Variants in LRCH1 observed in about 807,000 individuals in gnomAD.
LRCH1 encodes leucine rich repeats and calponin homology domain containing 1, also known as leucine-rich repeat and calponin homology domain-containing protein 1.
A neutral mutation model predicts 94.9 loss-of-function variants in LRCH1; 23 were observed. The ratio of observed to expected loss-of-function variants is 0.24; its 90% CI spans 0.17 to 0.34. The LOEUF is 0.34. Ranked by LOEUF, LRCH1 falls within the 10% of genes least tolerant of loss-of-function variation. The probability of loss-of-function intolerance (pLI) is 1.00; values close to 1 mark genes in which losing one functional copy is unlikely to be tolerated. For missense variants in LRCH1, 790 were observed against 945.9 expected, an observed-to-expected ratio of 0.84 and a Z score of 2.16; for synonymous variants, 364 against 354.9, an observed-to-expected ratio of 1.03 and a Z score of -0.29.
intron 2 of LRCH1, among the ~76,000 whole-genome samples, chr13:46,655,487 A>G (rs1165149720): frequency 2.0e-5 from 3 of 152,236 alleles, no homozygotes; most frequent in Admixed American, 6.5e-5. Flanking sequence ...AGTTTAGTAT[A>G]TGTGCCACTG....
intron 2 of LRCH1, among the ~76,000 whole-genome samples, chr13:46,652,423 A>G (rs544663440): frequency 2.5e-4 from 38 of 151,838 alleles, no homozygotes; most frequent in Non-Finnish European, 4.9e-4. Flanking sequence ...GTTGAAAAAA[A>G]TCCTAGCAGG....
intron 2 of LRCH1, among the ~76,000 whole-genome samples, chr13:46,650,810 C>T (rs924614729): frequency 6.6e-6 from 1 of 151,674 alleles, no homozygotes; most frequent in Admixed American, 6.6e-5. Context: ...ACTAATTGAG[C>T]CCATTCACTT....
chr13:46,561,801 CCA>C (rs938588801), intron 1 of LRCH1, among the ~76,000 whole-genome samples: 8 of 152,018 alleles, frequency 5.3e-5, no homozygotes, highest in African/African-American at 1.2e-4. Flanking sequence ...TCTACTGACC[CCA>C]CTCTCATTTC....
At position 46,553,264 on chromosome 13, in the gene LRCH1, C is replaced by T; in HGVS notation, c.-133C>T. ...CCCCATTCTACGCGCCTGCCCACAC[C>T]CTCCTCCCCTCCTTCCAGCGCCTTT... On this transcript the variant is annotated 5_prime_UTR_variant, in exon 1 of 20. Transcript: ENST00000389797. 1 of 672,400 alleles carries T rather than the reference C, an allele frequency of 1.5e-6. No individual in the cohort carries two copies. Among genetic ancestry groups the T allele is most frequent in the Non-Finnish European group, 2.5e-6 (1 of 405,368 alleles). 41.7% of individuals were successfully genotyped at this position (672,400 alleles called of 1,614,324 possible). A position where few individuals can be genotyped will look rare whatever the true frequency, so the allele number is the denominator to read the frequency against.
chr13:46,667,305 C>G (rs1265949287), intron 2 of LRCH1, among the ~76,000 whole-genome samples: 2 of 152,126 alleles, frequency 1.3e-5, no homozygotes, highest in Non-Finnish European at 2.9e-5. Flanking sequence ...CCTGCTTTTT[C>G]TGAGCTCATC....
At chr13:46,573,787 A>G (rs1162527951) in intron 1 of LRCH1, among the ~76,000 whole-genome samples, 1 of 147,888 alleles carries the variant, frequency 6.8e-6, no homozygotes, top group East Asian at 2.0e-4. Flanking sequence ...TATGAAAAAT[A>G]GAATGAATGA....
rs754502546 is a variant in LRCH1 at position 46,699,316 on chromosome 13, C to T, written c.1246-20C>T. 4.7e-5 allele frequency: 75 copies of T among 1,606,898 alleles called. No individual in the cohort carries two copies. The highest frequency in any genetic ancestry group is 5.9e-5 in the Non-Finnish European group (69 of 1,173,662). On this transcript the variant is annotated intron_variant, in intron 9 of 19. Coordinates refer to ENST00000389797, the MANE Select transcript of LRCH1 (RefSeq NM_001164211.2). ...TGAGTAGCCAATGGTTTTCAGGAAC[C>T]CTGTGTGTTTTGTCCACAGGCAAGG...
chr13:46,642,060 A>AC (rs1156557253), intron 1 of LRCH1, among the ~76,000 whole-genome samples: 3 of 152,246 alleles, frequency 2.0e-5, no homozygotes, highest in Non-Finnish European at 4.4e-5. Context: ...AGCCAGACCT[A>AC]GGCTGGGATT....
intron 1 of LRCH1, among the ~76,000 whole-genome samples, chr13:46,563,889 AC>A (rs748608273): frequency 1.4e-4 from 21 of 152,302 alleles, no homozygotes; most frequent in Non-Finnish European, 2.8e-4. Context: ...TCCCAGGCTC[AC>A]ATCAAAGGGT....
At chr13:46,553,785 G>A in intron 1 of LRCH1, 82 bp downstream of exon 1, 8 of 1,561,164 alleles carry the variant, frequency 5.1e-6, no homozygotes, top group Non-Finnish European at 6.9e-6. Flanking sequence ...GTGGACAGTC[G>A]GAGATCTTGT....
chr13:46,599,853 G>A (rs1470912282), intron 1 of LRCH1, among the ~76,000 whole-genome samples: 1 of 152,192 alleles, frequency 6.6e-6, no homozygotes, highest in East Asian at 1.9e-4. Flanking sequence ...CAGGTTATTT[G>A]TTATGGAGAT....
chr13:46,669,847 T>G (rs1047800725), intron 3 of LRCH1, among the ~76,000 whole-genome samples: 3 of 152,268 alleles, frequency 2.0e-5, no homozygotes, highest in African/African-American at 7.2e-5. Flanking sequence ...TGAAAGGTGA[T>G]AGTCTTCATT....
chr13:46,572,049 G>T (rs1392740204), intron 1 of LRCH1, among the ~76,000 whole-genome samples: 2 of 152,322 alleles, frequency 1.3e-5, no homozygotes, highest in Non-Finnish European at 2.9e-5. Flanking sequence ...ACGTGCATCT[G>T]TCTCTGCCAC....
At chr13:46,633,068 A>G (rs1326802731) in intron 1 of LRCH1, among the ~76,000 whole-genome samples, 1 of 152,228 alleles carries the variant, frequency 6.6e-6, no homozygotes, top group East Asian at 1.9e-4. Flanking sequence ...CCACAGTGGA[A>G]TATACTATAT....
At chr13:46,749,863 G>A (rs1461719209), downstream of LRCH1, among the ~76,000 whole-genome samples, 3 of 152,164 alleles carry the variant, frequency 2.0e-5, no homozygotes, top group Non-Finnish European at 4.4e-5. Context: ...AGGGACTCAC[G>A]CTTACTGTTT....
intron 1 of LRCH1, among the ~76,000 whole-genome samples, chr13:46,639,530 C>A (rs2051133552): frequency 6.6e-6 from 1 of 152,168 alleles, no homozygotes; most frequent in Admixed American, 6.6e-5. Flanking sequence ...TTCAAATAAT[C>A]ATGTGATTTA....
intron 2 of LRCH1, among the ~76,000 whole-genome samples, chr13:46,665,701 T>C (rs1451482485): frequency 6.6e-6 from 1 of 152,092 alleles, no homozygotes; most frequent in Non-Finnish European, 1.5e-5. Flanking sequence ...GACTTGGCTC[T>C]GGTGATGTAG....
chr13:46,720,341 C>T (rs928104006), intron 16 of LRCH1, among the ~76,000 whole-genome samples: 3 of 152,146 alleles, frequency 2.0e-5, no homozygotes, highest in African/African-American at 7.2e-5. Flanking sequence ...GAGCCGAGAT[C>T]GCACCATTGC....
intron 3 of LRCH1, among the ~76,000 whole-genome samples, chr13:46,674,146 AAAAT>A (rs1340360644): frequency 2.4e-4 from 37 of 152,320 alleles, no homozygotes; most frequent in African/African-American, 8.4e-4. Flanking sequence ...ATCCCTTAAA[AAAAT>A]AAATAAATAA....
Sources: gnomAD v4.1 joint callset for allele counts (sites outside exome capture counted in the v4.1 genomes callset) on GRCh38, gnomAD v4.1.1 for gene constraint, MANE v1.5 for transcripts, NCBI Gene and HGNC (gene_info 2026-07-23, HGNC 2026-07-21) for gene names.